Variants in EIF5A observed in about 807,000 individuals in gnomAD.
EIF5A encodes eukaryotic translation initiation factor 5A.
A neutral mutation model predicts 16.6 loss-of-function variants in EIF5A; 1 was observed. That is an observed-to-expected ratio of 0.06 (90% CI 0.02 to 0.28). The LOEUF (loss-of-function observed/expected upper bound fraction) is 0.28. Ranked by LOEUF, EIF5A falls within the 10% of genes least tolerant of loss-of-function variation. The pLI is 1.00. For missense variants in EIF5A, 29 were observed against 196.1 expected (o/e 0.15, Z 5.09); for synonymous variants, 80 against 73.6 (o/e 1.09, Z -0.44).
In EIF5A at chr17:7,311,645, C is replaced by T; in HGVS notation, c.*5C>T. The T allele has an allele frequency of 1.2e-6, 2 of 1,614,152 alleles. No individual in the cohort carries two copies. The highest frequency in any genetic ancestry group is 1.7e-6 in the Non-Finnish European group (2 of 1,180,036). On this transcript the variant is annotated 3_prime_UTR_variant, in exon 5 of 6. Coordinates refer to ENST00000336458, the MANE Select transcript of EIF5A (RefSeq NM_001970.5). The stretch of plus-strand genomic sequence containing the variant: ...ATCAAGGCCATGGCAAAATAACTGG[C>T]TCCCAGGTGAGTGTGACAAATCCCT...
chr17:7,308,965 T>A (rs1234500729), intron 1 of EIF5A, among the ~76,000 whole-genome samples: 2 of 152,232 alleles, frequency 1.3e-5, no homozygotes, highest in African/African-American at 4.8e-5. Context: ...GCTGGGTTCC[T>A]GGGTTCTCTT....
chr17:7,311,545 G>T lies in EIF5A; in HGVS notation c.403-33G>T, dbSNP rs765304365. 5 of 1,614,042 alleles carry T rather than the reference G, an allele frequency of 3.1e-6. No homozygotes were observed. In the East Asian group the frequency reaches 1.1e-4, roughly 36 times the overall value. ...TTCTGTACGTTTCTTCCTGAGCTCA[G>T]ACATCTCTTGGCTATCCCTCTTGCT... On this transcript the variant is annotated intron_variant, in intron 4 of 5. Transcript: ENST00000336458.
chr17:7,310,643 T>A, intron 2 of EIF5A: 11 of 985,430 alleles, frequency 1.1e-5, no homozygotes, highest in Non-Finnish European at 1.3e-5. Flanking sequence ...CTTTCCCTTC[T>A]ACCTTCCTTA....
At chr17:7,307,034 A>C, upstream of EIF5A, 1 of 1,587,814 alleles carries the variant, frequency 6.3e-7, no homozygotes, top group Middle Eastern at 1.7e-4. Flanking sequence ...GGGCGGAAAG[A>C]CATCTCCCGC....
intron 2 of EIF5A, chr17:7,310,284 C>CT: frequency 2.3e-6 from 3 of 1,287,898 alleles, no homozygotes; most frequent in African/African-American, 1.5e-5. Context: ...CTTTGGAACT[C>CT]TGACGCAGGA....
chr17:7,311,624 A>G lies in EIF5A; in HGVS notation c.449A>G (p.Lys150Arg). Residue 150 changes from lysine (K) to arginine (R), a missense_variant, in exon 5 of 6, where the codon AAG becomes AGG. Lys to Arg is a conservative substitution (Grantham distance 26). Coordinates refer to ENST00000336458, the MANE Select transcript of EIF5A (RefSeq NM_001970.5). Reference sequence around the variant, plus strand: ...ACAGAGGAGGCAGCTGTTGCAATCAAGGCCATGGCAAAATAACTGGCTCCC... The same window carrying G: ...ACAGAGGAGGCAGCTGTTGCAATCAGGGCCATGGCAAAATAACTGGCTCCC... The part of the protein sequence containing the change: ...AMTEEAAVAI[K>R]AMAK 6.2e-7 allele frequency: 1 copy of G among 1,614,180 alleles called. No homozygotes were observed. Among genetic ancestry groups the G allele is most frequent in the Non-Finnish European group, 8.5e-7 (1 of 1,180,032 alleles).
intron 1 of EIF5A, chr17:7,308,621 C>G (rs2072712014): frequency 1.5e-6 from 2 of 1,344,576 alleles, no homozygotes; most frequent in Non-Finnish European, 2.0e-6. Flanking sequence ...AATGGGGAAA[C>G]AGGGCGTTTG....
intron 2 of EIF5A, 129 bp from the exon 3 acceptor site, chr17:7,310,889 A>G (rs2072804991): frequency 2.1e-6 from 3 of 1,439,552 alleles, no homozygotes; most frequent in Admixed American, 5.7e-5. Flanking sequence ...GACTGGTTCA[A>G]TTCCAACACT....
At chr17:7,307,831 G>A (rs1026509653) in intron 1 of EIF5A, 79 bp downstream of exon 1, 9 of 984,334 alleles carry the variant, frequency 9.1e-6, no homozygotes, top group Non-Finnish European at 1.1e-5. Context: ...GGGTCGGGGA[G>A]GGGGCAGAGG....
Position 7,311,391 on chromosome 17 carries a change from C to T in EIF5A, c.312C>T (p.Asp104=). The T allele has an allele frequency of 1.2e-6, 2 of 1,614,166 alleles. No individual in the cohort carries two copies. The highest frequency in any genetic ancestry group is 1.3e-5 in the African/African-American group (1 of 75,036). The change falls in exon 4 of 6, where the codon GAC becomes GAT. Residue 104 remains aspartate (D), a synonymous_variant. Transcript: ENST00000336458. ...ATGGGTACCTATCACTGCTCCAGGACAGCGGGGAGGTACGAGAGGACCTTC... is the reference window on the plus strand; with the variant it reads ...ATGGGTACCTATCACTGCTCCAGGATAGCGGGGAGGTACGAGAGGACCTTC... The part of the protein sequence containing the change: ...IQDGYLSLLQ[D]SGEVREDLRL...
rs1300920780 is a variant in EIF5A, at chr17:7,307,643, T to G, written c.-131T>G. ...CGGCGCCTGCGTACTAAGACCCGTG[T>G]GCAGCAGCGGCGGCGGCGGTAGAGG... On this transcript the variant is annotated 5_prime_UTR_variant, in exon 1 of 6. Coordinates refer to ENST00000336458, the MANE Select transcript of EIF5A (RefSeq NM_001970.5). 1 of 1,049,510 alleles carries G rather than the reference T, an allele frequency of 9.5e-7. No homozygotes were observed. Among genetic ancestry groups the G allele is most frequent in the Non-Finnish European group, 1.1e-6 (1 of 871,562 alleles). The allele number at this position is 1,049,510 out of a possible 1,614,324, so 65.0% of individuals were successfully genotyped here. A position where few individuals can be genotyped will look rare whatever the true frequency, so the allele number is the denominator to read the frequency against.
chr17:7,307,933 A>G, intron 1 of EIF5A, 181 bp downstream of exon 1: 3 of 980,710 alleles, frequency 3.1e-6, no homozygotes, highest in Non-Finnish European at 3.6e-6. Context: ...GCGCGGGGTG[A>G]CGGTTGGGGT....
intron 1 of EIF5A, 183 bp downstream of exon 1, chr17:7,307,935 GGTTGGGGTTGGCCCGGTGAC>G (rs2072675163): frequency 1.0e-6 from 1 of 984,916 alleles, no homozygotes; most frequent in African/African-American, 1.8e-5. Flanking sequence ...GCGGGGTGAC[GGTTGGGGTTGGCCCGGTGAC>G]GTTGGAGCGA....
rs1001585865 is a variant in EIF5A at position 7,311,991 on chromosome 17, T to A, written c.*181T>A. The A allele has an allele frequency of 1.8e-4, 66 of 363,022 alleles. No homozygotes were observed. The highest frequency in any genetic ancestry group is 8.8e-5 in the Admixed American group (2 of 22,664). The allele number at this position is 363,022 out of a possible 1,614,324, so 22.5% of individuals were successfully genotyped here. A position where few individuals can be genotyped will look rare whatever the true frequency, so the allele number is the denominator to read the frequency against. On this transcript the variant is annotated 3_prime_UTR_variant, in exon 6 of 6. Transcript: ENST00000336458. ...TGTCGGGGAGCCCCTGCCCTTCACC[T>A]AGCTCCCTTGGCCAGGAGCGAGCGA...
chr17:7,311,519 G>A (rs2072826967), intron 4 of EIF5A, 38 bp downstream of exon 4: 1 of 1,614,126 alleles, frequency 6.2e-7, no homozygotes, highest in African/African-American at 1.3e-5. Flanking sequence ...GCTCAGCTTT[G>A]TTCTGTACGT....
intron 3 of EIF5A, 81 bp downstream of exon 3, chr17:7,311,203 G>C: frequency 6.3e-7 from 1 of 1,581,584 alleles, no homozygotes; most frequent in Non-Finnish European, 8.6e-7. Context: ...GACCAGGAGA[G>C]CTTGTGCTGG....
chr17:7,310,719 C>T (rs373529104), intron 2 of EIF5A: 8 of 985,412 alleles, frequency 8.1e-6, no homozygotes, highest in Non-Finnish European at 8.4e-6. Flanking sequence ...ACTCAGACTC[C>T]TCCCACTCCC....
At chr17:7,308,169 C>T (rs942841302) in intron 1 of EIF5A, 3 of 63,732 alleles carry the variant, frequency 4.7e-5, no homozygotes, top group African/African-American at 1.1e-3. Context: ...GGCGGACGGC[C>T]GGGGGGAGGG....
intron 3 of EIF5A, 35 bp downstream of exon 3, chr17:7,311,157 G>T: frequency 6.2e-7 from 1 of 1,608,168 alleles, no homozygotes; most frequent in Non-Finnish European, 8.5e-7. Flanking sequence ...TGGGTTAGCG[G>T]TTTATGGTGG....
Sources: allele counts gnomAD v4.1 joint callset (sites outside exome capture counted in the v4.1 genomes callset), GRCh38; gene constraint gnomAD v4.1.1; transcripts MANE v1.5; gene names NCBI Gene and HGNC (gene_info 2026-07-23, HGNC 2026-07-21).